The following SLC37A3 variants were observed in gnomAD, a reference collection of about 807,000 sequenced individuals.
SLC37A3 encodes the protein sugar phosphate exchanger 3.
SLC37A3 carries 51 observed loss-of-function variants against 67.1 expected under a neutral mutation model. The observed-to-expected ratio is 0.76, with a 90% CI of 0.61 to 0.96. The LOEUF is 0.96. SLC37A3 is among the 40% of genes least tolerant of loss of function. The pLI, the probability that SLC37A3 is intolerant of heterozygous loss-of-function variation, is 0.00. For synonymous variants in SLC37A3, 214 were observed against 231.4 expected, an observed-to-expected ratio of 0.92 and a Z score of 0.68; for missense variants, 508 against 603.0, an observed-to-expected ratio of 0.84 and a Z score of 1.65.
At chr7:140,335,904 T>C (rs1796113811) in intron 14 of SLC37A3, among the ~76,000 whole-genome samples, 2 of 151,666 alleles carry the variant, frequency 1.3e-5, no homozygotes, top group South Asian at 4.2e-4. Flanking sequence ...GGAACACAAG[T>C]TACATGGGCC....
At chr7:140,358,451 G>GACTT (rs1356071401) in intron 6 of SLC37A3, among the ~76,000 whole-genome samples, 189 bp downstream of exon 6, 2 of 152,110 alleles carry the variant, frequency 1.3e-5, no homozygotes, top group African/African-American at 4.8e-5. Flanking sequence ...TAGGCTGGAT[G>GACTT]ACTTCTAAGG....
At chr7:140,344,827 C>T (rs898049676) in intron 12 of SLC37A3, among the ~76,000 whole-genome samples, 1 of 152,166 alleles carries the variant, frequency 6.6e-6, no homozygotes, top group Non-Finnish European at 1.5e-5. Context: ...ACTATTTTAT[C>T]TAGTGCTCAA....
chr7:140,352,085 A>T lies in SLC37A3; in HGVS notation c.680T>A (p.Leu227His). Residue 227 changes from leucine to histidine, a missense_variant, in exon 8 of 15, where the codon CTC becomes CAC. Leu to His is a moderately conservative substitution (Grantham distance 99). Coordinates refer to ENST00000326232, the MANE Select transcript of SLC37A3 (RefSeq NM_207113.3). ...ACCAATTTCTTCTGGTGACACCAGG[A>T]GTCCAAAGAAGATAACGATCCCACC... ...FAGGIVIFFGLLVSPEEIGLS... is the reference protein window; with the variant it reads ...FAGGIVIFFGHLVSPEEIGLS... 1 of 1,612,808 alleles carries T rather than the reference A, an allele frequency of 6.2e-7. No homozygotes were observed. The highest frequency in any genetic ancestry group is 8.5e-7 in the Non-Finnish European group (1 of 1,179,622).
chr7:140,364,528 A>C, intron 4 of SLC37A3, 37 bp from the exon 5 acceptor site: 4 of 1,581,362 alleles, frequency 2.5e-6, no homozygotes, highest in Non-Finnish European at 3.5e-6. Context: ...GCTCTAAATA[A>C]TAACACAGTA....
intron 4 of SLC37A3, 123 bp from the exon 5 acceptor site, chr7:140,364,614 C>T (rs1291781678): frequency 5.8e-6 from 5 of 856,052 alleles, no homozygotes; most frequent in South Asian, 1.9e-5. Flanking sequence ...ATACACATGC[C>T]GAGGCTACCT....
chr7:140,376,917 G>C (rs1237595799), intron 3 of SLC37A3, among the ~76,000 whole-genome samples: 2 of 150,326 alleles, frequency 1.3e-5, no homozygotes, highest in Non-Finnish European at 3.0e-5. Flanking sequence ...GGGAGTACAG[G>C]TATGTGCCAC....
rs71170980 is a variant in SLC37A3 at position 140,363,740 on chromosome 7, C to CAA, written c.375+666_375+667dup. On this transcript the variant is annotated intron_variant, in intron 5 of 14. Coordinates refer to ENST00000326232, the MANE Select transcript of SLC37A3 (RefSeq NM_207113.3). ...AAAAAAAAAGAGCAAAACTCCGCCT[C>CAA]AAAAAAAAAAAAAAAAAAAAAAAAA... 3.1e-3 allele frequency among the ~76,000 whole-genome samples: 338 copies of CAA among 107,782 alleles called. 6 individuals are homozygous for CAA. The highest frequency in any genetic ancestry group is 3.7e-3 in the African/African-American group (101 of 27,604). 70.7% of individuals were successfully genotyped at this position (107,782 alleles called of 152,430 possible). A position where few individuals can be genotyped will look rare whatever the true frequency, so the allele number is the denominator to read the frequency against.
intron 14 of SLC37A3, 94 bp downstream of exon 14, chr7:140,337,190 C>A: frequency 1.1e-5 from 9 of 816,544 alleles, no homozygotes; most frequent in South Asian, 5.1e-5. Context: ...CCTTTAAAAG[C>A]AATCAACAGT....
rs546137604 is a variant in SLC37A3, at chr7:140,340,909, G to T, written c.1326+2503C>A. ...ATCCTGCCACTGCACTCCAGCCTGGGCATAAGAGCCAGATGCTGTCTCAAA... is the reference window on the plus strand; with the variant it reads ...ATCCTGCCACTGCACTCCAGCCTGGTCATAAGAGCCAGATGCTGTCTCAAA... On this transcript the variant is annotated intron_variant, in intron 13 of 14. Coordinates refer to ENST00000326232, the MANE Select transcript of SLC37A3 (RefSeq NM_207113.3). 6.7e-5 allele frequency among the ~76,000 whole-genome samples: 10 copies of T among 149,096 alleles called. No homozygotes were observed. The South Asian group carries it at 2.1e-3, about 31-fold the overall frequency.
chr7:140,381,118 G>A (rs1242591355), intron 2 of SLC37A3, among the ~76,000 whole-genome samples: 3 of 150,108 alleles, frequency 2.0e-5, no homozygotes, highest in East Asian at 4.0e-4. Context: ...GGTTGGTCTC[G>A]AACTCCTGAC....
At chr7:140,343,161 CG>C (rs1196720304) in intron 13 of SLC37A3, among the ~76,000 whole-genome samples, 1 of 152,108 alleles carries the variant, frequency 6.6e-6, no homozygotes, top group Non-Finnish European at 1.5e-5. Context: ...GTCTGTCTTA[CG>C]AGGTCTTAGC....
At chr7:140,389,800 A>C (rs1003969837) in intron 1 of SLC37A3, among the ~76,000 whole-genome samples, 6 of 152,122 alleles carry the variant, frequency 3.9e-5, no homozygotes, top group Non-Finnish European at 5.9e-5. Flanking sequence ...TTCTAATTTC[A>C]CTTTCTATAG....
At position 140,335,402 on chromosome 7, in the gene SLC37A3, C is replaced by T. The variant is rs765826686; in HGVS notation, c.*10G>A. ...GGCTGACATTGTTCTTTCTGTCTCG[C>T]GGGCACCGGTCACTCCCTCAATATG... is the stretch of plus-strand genomic sequence containing the variant. On this transcript the variant is annotated 3_prime_UTR_variant, in exon 15 of 15. Transcript: ENST00000326232. 1.1e-5 allele frequency: 17 copies of T among 1,613,940 alleles called. No individual in the cohort carries two copies. The highest frequency in any genetic ancestry group is 3.3e-5 in the Admixed American group (2 of 59,974).
At chr7:140,349,199 A>T (rs1310050925) in intron 9 of SLC37A3, among the ~76,000 whole-genome samples, 1 of 152,218 alleles carries the variant, frequency 6.6e-6, no homozygotes, top group Non-Finnish European at 1.5e-5. Flanking sequence ...CTTTACTGGG[A>T]GCAGCCAAAC....
chr7:140,393,719 C>A (rs375053864), intron 1 of SLC37A3, among the ~76,000 whole-genome samples: 5 of 152,152 alleles, frequency 3.3e-5, no homozygotes, highest in African/African-American at 4.8e-5. Context: ...TCATCTCTTT[C>A]GCCATTTCTT....
At chr7:140,396,026 T>C (rs1487641018) in intron 1 of SLC37A3, among the ~76,000 whole-genome samples, 1 of 152,132 alleles carries the variant, frequency 6.6e-6, no homozygotes, top group East Asian at 1.9e-4. Context: ...ATCTTTTTTT[T>C]TTTTTCAGAG....
At chr7:140,362,429 G>A (rs1345499267) in intron 5 of SLC37A3, among the ~76,000 whole-genome samples, 5 of 70,056 alleles carry the variant, frequency 7.1e-5, no homozygotes, top group East Asian at 4.6e-4. Context: ...GGGGGGGGGG[G>A]TCAGCCCCCC....
intron 10 of SLC37A3, among the ~76,000 whole-genome samples, chr7:140,346,887 G>A (rs982626124): frequency 3.3e-5 from 5 of 151,650 alleles, no homozygotes; most frequent in African/African-American, 9.7e-5. Context: ...ACAGTGAGCT[G>A]TATTGTGCCA....
intron 13 of SLC37A3, among the ~76,000 whole-genome samples, chr7:140,340,876 G>A (rs572357484): frequency 2.7e-4 from 41 of 152,028 alleles, no homozygotes; most frequent in African/African-American, 9.2e-4. Context: ...AGGTTGCAGT[G>A]AGCCAAGATC....
Sources: gnomAD v4.1 joint callset for allele counts (sites outside exome capture counted in the v4.1 genomes callset) on GRCh38, gnomAD v4.1.1 for gene constraint, MANE v1.5 for transcripts, NCBI Gene and HGNC (gene_info 2026-07-23, HGNC 2026-07-21) for gene names.